The following AUTS2 variants were observed in gnomAD, a reference collection of about 807,000 sequenced individuals.
AUTS2 encodes autism susceptibility gene 2 protein.
Under a neutral mutation model 112.4 loss-of-function variants are expected in AUTS2, and 17 were observed. The observed-to-expected ratio is 0.15, with a 90% confidence interval of 0.10 to 0.23. AUTS2 has a LOEUF of 0.23. Ranked by LOEUF, AUTS2 falls within the 10% of genes least tolerant of loss-of-function variation. The probability of loss-of-function intolerance (pLI) is 1.00; values close to 1 mark genes in which losing one functional copy is unlikely to be tolerated. For synonymous variants in AUTS2, 751 were observed against 702.7 expected (o/e 1.07, Z -1.09); for missense variants, 1,510 against 1,701.6 (o/e 0.89, Z 1.98).
In AUTS2 at chr7:70,429,824, TAAAG is replaced by T. The variant is rs1795580162; in HGVS notation, c.661-5923_661-5920del. Among the ~76,000 whole-genome samples, 3 of 152,310 alleles carry T rather than the reference TAAAG, an allele frequency of 2.0e-5. No individual in the cohort carries two copies. In the South Asian group the frequency reaches 6.2e-4, roughly 32 times the overall value. On this transcript the variant is annotated intron_variant, in intron 4 of 18. Coordinates refer to ENST00000342771, the MANE Select transcript of AUTS2 (RefSeq NM_015570.4). ...GTAATTGTCGTAACATATTAGAAAT[TAAAG>T]AAAGCAAAACAAAAACAAATGGCTC...
Position 70,544,644 on chromosome 7 carries a change from C to T in AUTS2, c.690+108863C>T, listed in dbSNP as rs566319243. Reference sequence around the variant, plus strand: ...AGGCCTGCAGTTAGGATTTGTCTTTCGTTGTTTTTTATTTTCAAGATAATA... The same window carrying T: ...AGGCCTGCAGTTAGGATTTGTCTTTTGTTGTTTTTTATTTTCAAGATAATA... On this transcript the variant is annotated intron_variant, in intron 5 of 18. Transcript: ENST00000342771. Among the ~76,000 whole-genome samples the T allele has an allele frequency of 8.5e-5, 13 of 152,226 alleles. 1 individual carries two copies. In the South Asian group the frequency reaches 2.5e-3, roughly 29 times the overall value.
chr7:69,638,137 G>A (rs1193216987), intron 1 of AUTS2, among the ~76,000 whole-genome samples: 2 of 152,162 alleles, frequency 1.3e-5, no homozygotes, highest in Non-Finnish European at 2.9e-5. Context: ...TCCTGCTTCA[G>A]CCTCCCAAGT....
At chr7:70,628,007 C>T (rs1444317754) in intron 5 of AUTS2, among the ~76,000 whole-genome samples, 1 of 152,156 alleles carries the variant, frequency 6.6e-6, no homozygotes, top group Non-Finnish European at 1.5e-5. Flanking sequence ...TTTCACCTGG[C>T]TGATGGAAGA....
intron 4 of AUTS2, among the ~76,000 whole-genome samples, chr7:70,166,974 A>T (rs139737224): frequency 2.0e-5 from 3 of 152,164 alleles, no homozygotes; most frequent in Non-Finnish European, 4.4e-5. Context: ...GCTTATGCTT[A>T]TAATCTGAGC....
In AUTS2 at chr7:70,743,465, T is replaced by C. The variant is rs560274939; in HGVS notation, c.743-19405T>C. 4.6e-4 allele frequency among the ~76,000 whole-genome samples: 38 copies of C among 82,888 alleles called. 1 individual carries two copies. The South Asian group carries it at 0.017, about 38-fold the overall frequency. The allele number at this position is 82,888 out of a possible 152,430, so 54.4% of individuals were successfully genotyped here. A position where few individuals can be genotyped will look rare whatever the true frequency, so the allele number is the denominator to read the frequency against. ...GCCTGGCTGACAGAGGGAGACTCTG[T>C]CTCAAAAAAAAAAAAAAAAAAAAAA... is the stretch of plus-strand genomic sequence containing the variant. On this transcript the variant is annotated intron_variant, in intron 6 of 18. Transcript: ENST00000342771.
intron 2 of AUTS2, among the ~76,000 whole-genome samples, chr7:70,102,331 G>A (rs1476104): frequency 0.25 from 38,230 of 151,314 alleles, 4,805 homozygotes; most frequent in Middle Eastern, 0.33. Flanking sequence ...TGTTAGCCAG[G>A]ATATTCTTGA....
intron 4 of AUTS2, among the ~76,000 whole-genome samples, chr7:70,226,484 C>T (rs926240569): frequency 4.6e-5 from 7 of 151,296 alleles, no homozygotes; most frequent in Non-Finnish European, 7.4e-5. Context: ...GGATTAGAGT[C>T]GTGAGCCACC....
At chr7:70,486,474 C>A (rs769504682) in intron 5 of AUTS2, among the ~76,000 whole-genome samples, 1 of 152,178 alleles carries the variant, frequency 6.6e-6, no homozygotes, top group African/African-American at 2.4e-5. Flanking sequence ...CGGTGGCTCA[C>A]GCCTGTAATC....
intron 5 of AUTS2, among the ~76,000 whole-genome samples, chr7:70,534,346 C>T (rs891451583): frequency 2.6e-5 from 4 of 152,142 alleles, no homozygotes; most frequent in African/African-American, 9.7e-5. Context: ...AGATTTTCAG[C>T]ATGTCAAACA....
chr7:69,818,760 C>T (rs761021410), intron 1 of AUTS2, among the ~76,000 whole-genome samples: 4 of 151,984 alleles, frequency 2.6e-5, no homozygotes, highest in African/African-American at 7.3e-5. Flanking sequence ...ATGTGGCTGG[C>T]GATAAAGAAG....
chr7:69,996,374 G>T (rs1184948848), intron 2 of AUTS2, among the ~76,000 whole-genome samples: 1 of 152,162 alleles, frequency 6.6e-6, no homozygotes, highest in African/African-American at 2.4e-5. Flanking sequence ...GTTGTGTTCT[G>T]CGTGGATTGC....
At chr7:69,681,179 C>G (rs1047305294) in intron 1 of AUTS2, among the ~76,000 whole-genome samples, 54 of 152,288 alleles carry the variant, frequency 3.5e-4, no homozygotes, top group African/African-American at 1.3e-3. Flanking sequence ...GTTGTTTTCA[C>G]CTCTTGGCTA....
intron 5 of AUTS2, among the ~76,000 whole-genome samples, chr7:70,578,714 A>G (rs997221178): frequency 1.3e-5 from 2 of 152,168 alleles, no homozygotes; most frequent in African/African-American, 4.8e-5. Flanking sequence ...GACCTACCCA[A>G]ATTTTTCTTG....
chr7:70,704,682 T>C lies in AUTS2; in HGVS notation c.742+6062T>C, dbSNP rs1175754066. Among the ~76,000 whole-genome samples the C allele has an allele frequency of 2.6e-5, 4 of 152,348 alleles. No individual in the cohort carries two copies. The East Asian group carries it at 7.7e-4, about 29-fold the overall frequency. On this transcript the variant is annotated intron_variant, in intron 6 of 18. Coordinates refer to ENST00000342771, the MANE Select transcript of AUTS2 (RefSeq NM_015570.4). ...GTTCTCTAGAGTCTAATGAGAACAGTTGAGTGACAAAGGGCTCAATCACGC... is the reference window on the plus strand; with the variant it reads ...GTTCTCTAGAGTCTAATGAGAACAGCTGAGTGACAAAGGGCTCAATCACGC...
intron 5 of AUTS2, among the ~76,000 whole-genome samples, chr7:70,525,477 A>T (rs1799803193): frequency 6.6e-6 from 1 of 152,230 alleles, no homozygotes; most frequent in Admixed American, 6.5e-5. Context: ...AACTAGGAAG[A>T]TATTACATAA....
At chr7:70,713,185 G>A (rs117425151) in intron 6 of AUTS2, among the ~76,000 whole-genome samples, 646 of 152,264 alleles carry the variant, frequency 4.2e-3, no homozygotes, top group Non-Finnish European at 7.2e-3. Context: ...TTCCTTCTTG[G>A]CAGGTGCTGC....
chr7:70,093,598 G>T (rs182583145), intron 2 of AUTS2, among the ~76,000 whole-genome samples: 36 of 152,308 alleles, frequency 2.4e-4, no homozygotes, highest in Admixed American at 1.3e-3. Context: ...TGGAGAGAAA[G>T]GAGATTATGA....
chr7:70,470,833 T>A (rs983264939), intron 5 of AUTS2, among the ~76,000 whole-genome samples: 7 of 152,004 alleles, frequency 4.6e-5, no homozygotes, highest in African/African-American at 1.7e-4. Context: ...GCCAAACCAG[T>A]AACAAAGGGC....
intron 1 of AUTS2, among the ~76,000 whole-genome samples, chr7:69,860,674 T>G (rs1792938357): frequency 1.3e-5 from 2 of 152,248 alleles, no homozygotes; most frequent in East Asian, 3.9e-4. Flanking sequence ...GCTTAATTTT[T>G]TTTTCCCACA....
Sources: gnomAD v4.1 joint callset for allele counts (sites outside exome capture counted in the v4.1 genomes callset) on GRCh38, gnomAD v4.1.1 for gene constraint, MANE v1.5 for transcripts, NCBI Gene and HGNC (gene_info 2026-07-23, HGNC 2026-07-21) for gene names.